The following TLL2 variants were observed in gnomAD, a reference collection of about 807,000 sequenced individuals.
The protein encoded by TLL2 is tolloid like 2, also known as tolloid-like protein 2.
TLL2 carries 106 observed loss-of-function variants against 123.0 expected under a neutral mutation model. The ratio of observed to expected loss-of-function variants is 0.86; its 90% CI spans 0.74 to 1.01. The LOEUF is 1.01. Among genes scored for constraint, TLL2 ranks in the 50% least tolerant of loss-of-function variants. The pLI, the probability that TLL2 is intolerant of heterozygous loss-of-function variation, is 0.00. For missense variants in TLL2, 1,332 were observed against 1,336.7 expected (o/e 1.00, Z 0.06); for synonymous variants, 494 against 516.8 (o/e 0.96, Z 0.60).
intron 2 of TLL2, among the ~76,000 whole-genome samples, chr10:96,476,240 A>ATATATATATATATATATTCTTTTTTT: frequency 4.9e-5 from 1 of 20,500 alleles, no homozygotes; most frequent in Non-Finnish European, 1.0e-4. Context: ...ATATATATAT[A>ATATATATATATATATATTCTTTTTTT]TTTTATTTTT....
chr10:96,377,299 C>T (rs761169447), intron 17 of TLL2, among the ~76,000 whole-genome samples: 1 of 152,254 alleles, frequency 6.6e-6, no homozygotes, highest in Non-Finnish European at 1.5e-5. Context: ...TGCATCTTGG[C>T]TAACAGAGGC....
chr10:96,476,068 G>A (rs1278326213), intron 2 of TLL2, among the ~76,000 whole-genome samples: 4 of 151,502 alleles, frequency 2.6e-5, no homozygotes, highest in Admixed American at 1.3e-4. Context: ...CCAGTCTCGG[G>A]TACACCTTTA....
At chr10:96,370,341 C>G (rs779143250) in intron 19 of TLL2, 26 bp from the exon 20 acceptor site, 1 of 1,535,922 alleles carries the variant, frequency 6.5e-7, no homozygotes, top group Non-Finnish European at 8.8e-7. Flanking sequence ...GTGAGATGTC[C>G]CCTCAGCACA....
intron 19 of TLL2, among the ~76,000 whole-genome samples, chr10:96,371,560 T>C (rs772799478): frequency 9.9e-5 from 15 of 152,216 alleles, no homozygotes; most frequent in Non-Finnish European, 1.8e-4. Flanking sequence ...CTGACCATTC[T>C]GAGTCCTGTG....
chr10:96,487,182 A>G (rs1339840470), intron 1 of TLL2, among the ~76,000 whole-genome samples: 1 of 152,180 alleles, frequency 6.6e-6, no homozygotes, highest in Non-Finnish European at 1.5e-5. Context: ...AGAGGTGCCT[A>G]CCTGGTAGAA....
In TLL2 at chr10:96,513,889, A is replaced by C. The variant is rs1333759445; in HGVS notation, c.-204T>G. ...AACCGGGAAGCAGCCGCTCGGAGCT[A>C]CTTGCCCGGCGGCCGAGGCTGCGGC... On this transcript the variant is annotated 5_prime_UTR_variant, in exon 1 of 21. Coordinates refer to ENST00000357947, the MANE Select transcript of TLL2 (RefSeq NM_012465.4). The C allele has an allele frequency of 1.8e-6, 1 of 554,698 alleles. No homozygotes were observed. Among genetic ancestry groups the C allele is most frequent in the Non-Finnish European group, 3.0e-6 (1 of 338,024 alleles). 34.4% of individuals were successfully genotyped at this position (554,698 alleles called of 1,614,324 possible). A position where few individuals can be genotyped will look rare whatever the true frequency, so the allele number is the denominator to read the frequency against.
chr10:96,368,689 A>G (rs1386148931), intron 20 of TLL2, among the ~76,000 whole-genome samples: 1 of 152,188 alleles, frequency 6.6e-6, no homozygotes, highest in Non-Finnish European at 1.5e-5. Context: ...GTCTCCCAGG[A>G]GACCTGAAAC....
intron 2 of TLL2, among the ~76,000 whole-genome samples, chr10:96,473,383 A>C (rs575339912): frequency 5.3e-4 from 81 of 152,268 alleles, no homozygotes; most frequent in African/African-American, 1.8e-3. Context: ...TGAACCAGAG[A>C]TCATGCCACT....
chr10:96,471,693 G>A (rs1398512243), intron 2 of TLL2, among the ~76,000 whole-genome samples: 4 of 152,114 alleles, frequency 2.6e-5, no homozygotes, highest in Admixed American at 1.3e-4. Flanking sequence ...GTCCCACAGA[G>A]AATCAGTACA....
intron 3 of TLL2, among the ~76,000 whole-genome samples, chr10:96,436,442 T>C (rs548008654): frequency 5.3e-5 from 8 of 152,248 alleles, no homozygotes; most frequent in Admixed American, 6.5e-5. Context: ...AATTTTTGGC[T>C]TCTTAATGTA....
chr10:96,492,138 C>T (rs984793322), intron 1 of TLL2, among the ~76,000 whole-genome samples: 10 of 151,756 alleles, frequency 6.6e-5, no homozygotes, highest in South Asian at 4.1e-4. Flanking sequence ...GGGACCAGGC[C>T]GAATGCCCTC....
intron 2 of TLL2, among the ~76,000 whole-genome samples, chr10:96,460,081 T>C (rs1428483850): frequency 6.6e-6 from 1 of 152,222 alleles, no homozygotes; most frequent in East Asian, 1.9e-4. Context: ...TAAAAGTTTG[T>C]ATAAAATTTC....
chr10:96,415,138 G>T (rs1181032464), intron 7 of TLL2, among the ~76,000 whole-genome samples: 1 of 152,110 alleles, frequency 6.6e-6, no homozygotes, highest in African/African-American at 2.4e-5. Context: ...TAGGCTGTTT[G>T]CTCACTGACT....
chr10:96,370,597 C>T (rs1236065113), intron 19 of TLL2, among the ~76,000 whole-genome samples: 1 of 152,100 alleles, frequency 6.6e-6, no homozygotes, highest in African/African-American at 2.4e-5. Context: ...TTGTTTTTTC[C>T]GGTTATGGAG....
chr10:96,381,215 C>T (rs928781644), intron 16 of TLL2, among the ~76,000 whole-genome samples: 1 of 149,282 alleles, frequency 6.7e-6, no homozygotes, highest in Non-Finnish European at 1.5e-5. Context: ...CTGCCCTGGT[C>T]CTCCAGCCGC....
intron 2 of TLL2, among the ~76,000 whole-genome samples, chr10:96,458,385 G>A (rs1223407848): frequency 4.0e-5 from 6 of 151,740 alleles, no homozygotes; most frequent in African/African-American, 1.2e-4. Context: ...TCACGAGTTC[G>A]AGACCAGCCT....
At chr10:96,376,161 G>T (rs979488420) in intron 18 of TLL2, among the ~76,000 whole-genome samples, 2 of 152,176 alleles carry the variant, frequency 1.3e-5, no homozygotes, top group Admixed American at 1.3e-4. Flanking sequence ...ATACGAATGG[G>T]ATTTTATTAG....
intron 18 of TLL2, among the ~76,000 whole-genome samples, chr10:96,374,783 G>T (rs367794843): frequency 6.6e-6 from 1 of 152,218 alleles, no homozygotes; most frequent in East Asian, 1.9e-4. Context: ...CCTAACGCTC[G>T]CCAGGGGCGC....
intron 13 of TLL2, among the ~76,000 whole-genome samples, chr10:96,392,754 T>C (rs372402869): frequency 5.0e-4 from 76 of 152,348 alleles, no homozygotes; most frequent in African/African-American, 1.8e-3. Context: ...GCCTCTACAA[T>C]CTGTGAATCT....
Sources: allele counts gnomAD v4.1 joint callset (sites outside exome capture counted in the v4.1 genomes callset), GRCh38; gene constraint gnomAD v4.1.1; transcripts MANE v1.5; gene names NCBI Gene and HGNC (gene_info 2026-07-23, HGNC 2026-07-21).